AOX1: variants seen among roughly 807,000 people sequenced by gnomAD.
The protein encoded by AOX1 is aldehyde oxidase 1.
A neutral mutation model predicts 169.5 loss-of-function variants in AOX1; 153 were observed. The ratio of observed to expected loss-of-function variants is 0.90; its 90% CI spans 0.79 to 1.03. AOX1 has a LOEUF of 1.03. AOX1 is among the 50% of genes least tolerant of loss of function. The pLI is 0.00. For missense variants in AOX1, 1,656 were observed against 1,663.9 expected, an observed-to-expected ratio of 1.00 and a Z score of 0.08; for synonymous variants, 562 against 581.9, an observed-to-expected ratio of 0.97 and a Z score of 0.49.
In AOX1 at chr2:200,651,094, A is replaced by G; in HGVS notation, c.2968A>G (p.Lys990Glu). 1 of 1,614,196 alleles carries G rather than the reference A, an allele frequency of 6.2e-7. No individual in the cohort carries two copies. The highest frequency in any genetic ancestry group is 1.1e-5 in the South Asian group (1 of 91,074). ...CMAMSSYSLR[K>E]VAVEKFNAEN... Reference sequence around the variant, plus strand: ...GGCCATGTCTTCCTACTCCTTGAGGAAAGTTGCTGTGGAAAAGTTCAATGC... The same window carrying G: ...GGCCATGTCTTCCTACTCCTTGAGGGAAGTTGCTGTGGAAAAGTTCAATGC... The change falls in exon 26 of 35, where the codon AAA (lysine) becomes GAA (glutamate). Residue 990 changes from lysine to glutamate, a missense_variant. Lys to Glu is a moderately conservative substitution (Grantham distance 56, BLOSUM62 1). Coordinates refer to ENST00000374700, the MANE Select transcript of AOX1 (RefSeq NM_001159.4).
chr2:200,678,404 A>G (rs1473518992), downstream of AOX1: 1 of 152,234 alleles, frequency 6.6e-6, no homozygotes, highest in Non-Finnish European at 1.5e-5. Flanking sequence ...GGGTTGTGTT[A>G]CAATGCAAAT....
downstream of AOX1, among the ~76,000 whole-genome samples, chr2:200,680,379 A>G (rs1161673627): frequency 1.3e-5 from 2 of 152,174 alleles, no homozygotes; most frequent in Non-Finnish European, 1.5e-5. Context: ...ACCCTCTCCC[A>G]TCACAAGGAA....
chr2:200,659,782 T>TCACACA (rs763022331), intron 28 of AOX1, among the ~76,000 whole-genome samples: 6 of 134,682 alleles, frequency 4.5e-5, no homozygotes, highest in Non-Finnish European at 9.5e-5. Context: ...GCCAGTTCTC[T>TCACACA]CTCTCACACA....
intron 31 of AOX1, 50 bp downstream of exon 31, chr2:200,663,019 A>G: frequency 7.1e-7 from 1 of 1,403,574 alleles, no homozygotes; most frequent in Non-Finnish European, 1.0e-6. Context: ...ATGCACCTAA[A>G]TTCCACAGAT....
intron 18 of AOX1, among the ~76,000 whole-genome samples, chr2:200,622,224 T>A (rs2034902333): frequency 6.6e-6 from 1 of 152,260 alleles, no homozygotes; most frequent in Non-Finnish European, 1.5e-5. Flanking sequence ...ATATATTTCT[T>A]CCACCTAGTA....
rs1574910081 is a variant in AOX1 at position 200,599,843 on chromosome 2, G to A, written c.436+97G>A. 4.9e-6 allele frequency: 5 copies of A among 1,030,388 alleles called. No individual in the cohort carries two copies. The East Asian group carries it at 9.7e-5, about 20-fold the overall frequency. 63.8% of individuals were successfully genotyped at this position (1,030,388 alleles called of 1,614,324 possible). Reference sequence around the variant, plus strand: ...TCTGTTGCCCGGGCTGGAGGGCGGCGGCGCAATCTTGGCCCCACTGTAACC... The same window carrying A: ...TCTGTTGCCCGGGCTGGAGGGCGGCAGCGCAATCTTGGCCCCACTGTAACC... On this transcript the variant is annotated intron_variant, in intron 5 of 34. Coordinates refer to ENST00000374700, the MANE Select transcript of AOX1 (RefSeq NM_001159.4).
chr2:200,613,021 T>A (rs1213500258), intron 14 of AOX1, among the ~76,000 whole-genome samples: 7 of 95,106 alleles, frequency 7.4e-5, no homozygotes, highest in Admixed American at 2.1e-4. Context: ...TGTGTGTGTG[T>A]GTGTGTGAGA....
chr2:200,604,745 G>T lies in AOX1; in HGVS notation c.719G>T (p.Arg240Ile). 6.2e-7 allele frequency: 1 copy of T among 1,614,100 alleles called. No individual in the cohort carries two copies. The highest frequency in any genetic ancestry group is 8.5e-7 in the Non-Finnish European group (1 of 1,180,006). Residue 240 changes from arginine (R) to isoleucine (I), a missense_variant, in exon 9 of 35, where the codon AGA (arginine) becomes ATA (isoleucine). Physicochemically the swap from Arg to Ile is moderately conservative, Grantham distance 97. Coordinates refer to ENST00000374700, the MANE Select transcript of AOX1 (RefSeq NM_001159.4). ...SQRTRVFGSE[R>I]MMWFSPVTLK... ...AGGACCAGGGTGTTTGGCAGTGAGAGAATGATGTGGTTTTCCCCCGTGACC... is the reference window on the plus strand; with the variant it reads ...AGGACCAGGGTGTTTGGCAGTGAGATAATGATGTGGTTTTCCCCCGTGACC...
intron 3 of AOX1, among the ~76,000 whole-genome samples, chr2:200,596,232 GT>G (rs759750174): frequency 6.6e-6 from 1 of 152,194 alleles, no homozygotes; most frequent in Non-Finnish European, 1.5e-5. Context: ...ACTCTGAGAG[GT>G]TCCTCCCTGC....
intron 19 of AOX1, 61 bp downstream of exon 19, chr2:200,624,044 G>T (rs1428234402): frequency 1.9e-6 from 3 of 1,599,870 alleles, no homozygotes; most frequent in Non-Finnish European, 1.7e-6. Flanking sequence ...CAGTTAAAAT[G>T]CTTTTGGCTA....
At chr2:200,594,089 C>A (rs2034230205) in intron 2 of AOX1, among the ~76,000 whole-genome samples, 1 of 152,082 alleles carries the variant, frequency 6.6e-6, no homozygotes. Flanking sequence ...AGGAGAAATG[C>A]CTGTGGGAAA....
intron 34 of AOX1, among the ~76,000 whole-genome samples, chr2:200,670,189 G>A (rs901673266): frequency 6.6e-6 from 1 of 152,038 alleles, no homozygotes; most frequent in Non-Finnish European, 1.5e-5. Context: ...TGGCAACAGC[G>A]CCCATGCCGA....
chr2:200,658,540 T>C (rs2035740468), intron 27 of AOX1, among the ~76,000 whole-genome samples: 1 of 152,204 alleles, frequency 6.6e-6, no homozygotes, highest in Non-Finnish European at 1.5e-5. Context: ...GGGCAAGCAC[T>C]TTCAAGCCAT....
intron 31 of AOX1, among the ~76,000 whole-genome samples, chr2:200,664,572 G>A (rs527759775): frequency 6.6e-6 from 1 of 152,318 alleles, no homozygotes; most frequent in African/African-American, 2.4e-5. Flanking sequence ...AAATTTTAAG[G>A]CATGTTCCTA....
downstream of AOX1, among the ~76,000 whole-genome samples, chr2:200,674,329 G>A (rs112136671): frequency 0.012 from 1,763 of 152,204 alleles, 36 homozygotes; most frequent in African/African-American, 0.04. Flanking sequence ...GCTTTGGGGA[G>A]CACACTGATT....
chr2:200,597,997 C>T (rs1418236317), intron 4 of AOX1, among the ~76,000 whole-genome samples: 1 of 151,902 alleles, frequency 6.6e-6, no homozygotes, highest in Non-Finnish European at 1.5e-5. Flanking sequence ...GTCCTGGCTA[C>T]TCGGGGGTGC....
chr2:200,643,916 T>C lies in AOX1; in HGVS notation c.2847+1115T>C, dbSNP rs180812391. Among the ~76,000 whole-genome samples the C allele has an allele frequency of 2.8e-4, 43 of 152,342 alleles. No homozygotes were observed. In the East Asian group the frequency reaches 5.6e-3, roughly 20 times the overall value. ...CTTTTTGATGGGGTCGTTTGTTTTT[T>C]TCTTACTGATTTGTTTGAGTTTCTT... On this transcript the variant is annotated intron_variant, in intron 25 of 34. Transcript: ENST00000374700.
At chr2:200,602,470 AGCT>A (rs1574912343) in intron 6 of AOX1, 125 bp downstream of exon 6, 2 of 815,248 alleles carry the variant, frequency 2.5e-6, no homozygotes, top group East Asian at 5.2e-5. Context: ...CCAGGTTTCT[AGCT>A]GCTGTTTGTT....
chr2:200,600,035 C>T (rs1293384413), intron 5 of AOX1, among the ~76,000 whole-genome samples: 1 of 152,060 alleles, frequency 6.6e-6, no homozygotes, highest in Non-Finnish European at 1.5e-5. Flanking sequence ...TTGATCCTCA[C>T]AAAAAATTTA....
Sources: gnomAD v4.1 joint callset for allele counts (sites outside exome capture counted in the v4.1 genomes callset) on GRCh38, gnomAD v4.1.1 for gene constraint, MANE v1.5 for transcripts, NCBI Gene and HGNC (gene_info 2026-07-23, HGNC 2026-07-21) for gene names.